PDE4B: variants seen among roughly 807,000 people sequenced by gnomAD.
PDE4B encodes the protein phosphodiesterase 4B, also known as 3',5'-cyclic-AMP phosphodiesterase 4B.
Under a neutral mutation model 82.2 loss-of-function variants are expected in PDE4B, and 20 were observed. That is an observed-to-expected ratio of 0.24 (90% confidence interval 0.17 to 0.35). The LOEUF is 0.35. PDE4B is among the 10% of genes least tolerant of loss of function. The pLI is 1.00. For missense variants in PDE4B, 655 were observed against 907.2 expected, an observed-to-expected ratio of 0.72 and a Z score of 3.57; for synonymous variants, 320 against 318.9, an observed-to-expected ratio of 1.00 and a Z score of -0.04.
chr1:66,046,913 A>G (rs1295003637), intron 3 of PDE4B, among the ~76,000 whole-genome samples: 2 of 151,864 alleles, frequency 1.3e-5, no homozygotes, highest in Non-Finnish European at 2.9e-5. Flanking sequence ...TCTATAATGA[A>G]TCAATGCAGA....
chr1:66,208,786 T>C (rs1557635443), intron 3 of PDE4B, among the ~76,000 whole-genome samples: 1 of 152,218 alleles, frequency 6.6e-6, no homozygotes, highest in Non-Finnish European at 1.5e-5. Flanking sequence ...AAAAATATAT[T>C]GATTTATTAA....
intron 3 of PDE4B, among the ~76,000 whole-genome samples, chr1:66,008,264 C>T (rs1652263571): frequency 6.6e-6 from 1 of 152,148 alleles, no homozygotes; most frequent in Admixed American, 6.5e-5. Context: ...AGGCATGGAA[C>T]ATAGACGATG....
chr1:65,833,705 T>C (rs1180256651), intron 1 of PDE4B, among the ~76,000 whole-genome samples: 3 of 152,236 alleles, frequency 2.0e-5, no homozygotes, highest in African/African-American at 7.2e-5. Context: ...TTTTTCTTCA[T>C]TAACATTATC....
intron 3 of PDE4B, among the ~76,000 whole-genome samples, chr1:65,972,188 AGT>A (rs1289051928): frequency 1.3e-5 from 2 of 152,160 alleles, no homozygotes; most frequent in Non-Finnish European, 2.9e-5. Context: ...TTCGCATAGA[AGT>A]GTGTTTTAAT....
chr1:66,165,402 T>C (rs1007434299), intron 3 of PDE4B, among the ~76,000 whole-genome samples: 12 of 152,122 alleles, frequency 7.9e-5, no homozygotes, highest in Non-Finnish European at 1.3e-4. Flanking sequence ...AGAAATGCAT[T>C]TTTCCTCCTT....
intron 3 of PDE4B, among the ~76,000 whole-genome samples, chr1:66,174,426 T>C (rs1646893480): frequency 6.6e-6 from 1 of 152,150 alleles, no homozygotes; most frequent in Admixed American, 6.5e-5. Context: ...CCTAAAACAG[T>C]GTTGCCTACT....
At chr1:66,186,982 G>A (rs1647246984) in intron 3 of PDE4B, among the ~76,000 whole-genome samples, 1 of 152,104 alleles carries the variant, frequency 6.6e-6, no homozygotes, top group African/African-American at 2.4e-5. Flanking sequence ...GTCATAGATG[G>A]CTCTTATTAT....
intron 3 of PDE4B, among the ~76,000 whole-genome samples, chr1:66,050,928 C>A (rs1025394675): frequency 6.6e-6 from 1 of 152,052 alleles, no homozygotes. Context: ...AGAAACTACA[C>A]AGGAAGGACT....
chr1:66,045,104 T>C (rs929781053), intron 3 of PDE4B, among the ~76,000 whole-genome samples: 1 of 151,772 alleles, frequency 6.6e-6, no homozygotes, highest in Non-Finnish European at 1.5e-5. Context: ...TGCATGATCT[T>C]TGTCACGAGG....
chr1:66,361,619 G>A lies in PDE4B; in HGVS notation c.846G>A (p.Lys282=). 1 of 1,611,850 alleles carries A rather than the reference G, an allele frequency of 6.2e-7. No homozygotes were observed. Among genetic ancestry groups the A allele is most frequent in the Non-Finnish European group, 8.5e-7 (1 of 1,178,844 alleles). ...ATATTCCTTTGTCTGTTGCAGACAA[G>A]CAGAATGATGTGGAGATCCCATCTC... is the stretch of plus-strand genomic sequence containing the variant. The part of the protein sequence containing the change: ...SEYISNTFLD[K]QNDVEIPSPT... The change falls in exon 10 of 17, where the codon AAG becomes AAA. Residue 282 remains lysine, a synonymous_variant. Transcript: ENST00000341517.
chr1:66,272,995 T>C (rs1261945772), intron 7 of PDE4B, among the ~76,000 whole-genome samples: 1 of 151,970 alleles, frequency 6.6e-6, no homozygotes, highest in African/African-American at 2.4e-5. Context: ...TTTCACCATG[T>C]TGGCCAAGAT....
intron 1 of PDE4B, among the ~76,000 whole-genome samples, chr1:65,799,362 T>C (rs1452419796): frequency 1.3e-5 from 2 of 152,196 alleles, no homozygotes; most frequent in African/African-American, 4.8e-5. Context: ...TAAAAATTTA[T>C]TTTGAGGTAT....
At chr1:66,068,105 TA>T (rs5774792) in intron 3 of PDE4B, among the ~76,000 whole-genome samples, 1 of 147,652 alleles carries the variant, frequency 6.8e-6, no homozygotes, top group African/African-American at 2.5e-5. Context: ...ATAATAAAAT[TA>T]AAAAAAAAAG....
intron 3 of PDE4B, among the ~76,000 whole-genome samples, chr1:66,172,793 T>C (rs1570396070): frequency 6.8e-6 from 1 of 147,770 alleles, no homozygotes; most frequent in Non-Finnish European, 1.5e-5. Flanking sequence ...GTATTATGTA[T>C]AAGTTGGCAA....
intron 1 of PDE4B, among the ~76,000 whole-genome samples, chr1:65,829,467 G>C (rs1011301877): frequency 4.6e-5 from 7 of 152,118 alleles, no homozygotes; most frequent in African/African-American, 1.7e-4. Context: ...GACCTTTATA[G>C]AGCACTCCAA....
chr1:66,330,269 C>A (rs1660012689), intron 7 of PDE4B, among the ~76,000 whole-genome samples: 1 of 152,212 alleles, frequency 6.6e-6, no homozygotes, highest in South Asian at 2.1e-4. Context: ...TATCCATTAC[C>A]TGTTCACCCA....
chr1:66,042,908 A>G (rs956327388), intron 3 of PDE4B, among the ~76,000 whole-genome samples: 2 of 151,818 alleles, frequency 1.3e-5, no homozygotes, highest in South Asian at 2.1e-4. Context: ...CATGAATCAA[A>G]TTGGAACTGT....
At chr1:66,034,959 A>G (rs1391443162) in intron 3 of PDE4B, among the ~76,000 whole-genome samples, 3 of 152,098 alleles carry the variant, frequency 2.0e-5, no homozygotes, top group Non-Finnish European at 4.4e-5. Flanking sequence ...TTTCCCTTTT[A>G]GGTTACCATC....
chr1:66,228,624 G>A (rs1428945806), intron 3 of PDE4B, among the ~76,000 whole-genome samples: 7 of 126,112 alleles, frequency 5.6e-5, no homozygotes, highest in South Asian at 2.5e-4. Flanking sequence ...GCAAGACTCC[G>A]TTAAAAAAAA....
Sources: allele counts gnomAD v4.1 joint callset (sites outside exome capture counted in the v4.1 genomes callset), GRCh38; gene constraint gnomAD v4.1.1; transcripts MANE v1.5; gene names NCBI Gene and HGNC (gene_info 2026-07-23, HGNC 2026-07-21).